The following ELOVL2 variants were observed in gnomAD, a reference collection of about 807,000 sequenced individuals.
ELOVL2 encodes very long chain fatty acid elongase 2.
ELOVL2 carries 38 observed loss-of-function variants against 37.7 expected under a neutral mutation model. The observed-to-expected ratio is 1.01, with a 90% CI of 0.78 to 1.32. ELOVL2 has a LOEUF of 1.32. ELOVL2 is among the 40% of genes most tolerant of loss of function. The pLI, the probability that ELOVL2 is intolerant of heterozygous loss-of-function variation, is 0.00. For missense variants in ELOVL2, 352 were observed against 363.6 expected (o/e 0.97, Z 0.26); for synonymous variants, 115 against 122.3 (o/e 0.94, Z 0.40).
At chr6:11,011,732 T>C (rs989870554) in intron 1 of ELOVL2, among the ~76,000 whole-genome samples, 3 of 152,184 alleles carry the variant, frequency 2.0e-5, no homozygotes, top group South Asian at 2.1e-4. Flanking sequence ...CGATTAATTA[T>C]TGTCACTTTC....
At chr6:11,008,727 A>C (rs1782522127) in intron 2 of ELOVL2, among the ~76,000 whole-genome samples, 1 of 152,258 alleles carries the variant, frequency 6.6e-6, no homozygotes, top group Non-Finnish European at 1.5e-5. Context: ...TGCCTACCCC[A>C]CAGAGTCATC....
chr6:11,039,527 T>A (rs1403593049), intron 1 of ELOVL2, among the ~76,000 whole-genome samples: 3 of 152,224 alleles, frequency 2.0e-5, no homozygotes, highest in Admixed American at 1.3e-4. Flanking sequence ...ATGATCAAGT[T>A]AGGGTAACTG....
Position 11,041,663 on chromosome 6 carries a change from C to G in ELOVL2, c.3+2565G>C, listed in dbSNP as rs192276073. Among the ~76,000 whole-genome samples, 511 of 152,218 alleles carry G rather than the reference C, an allele frequency of 3.4e-3. 3 individuals are homozygous for G. Among genetic ancestry groups the G allele is most frequent in the African/African-American group, 0.012 (492 of 41,542 alleles). ...TTTTACCTTTAATTTCTACTACCTA[C>G]CTGGGAAAGATGGTAACCACAGAAC... On this transcript the variant is annotated intron_variant, in intron 1 of 7. Transcript: ENST00000354666.
At chr6:10,987,285 C>T (rs200230849) in intron 7 of ELOVL2, among the ~76,000 whole-genome samples, 44,675 of 151,852 alleles carry the variant, frequency 0.29, 7,416 homozygotes, top group African/African-American at 0.45. Context: ...TTTGTTGATC[C>T]TTTCAAAAAA....
chr6:11,030,206 T>C (rs1782900756), intron 1 of ELOVL2, among the ~76,000 whole-genome samples: 1 of 152,108 alleles, frequency 6.6e-6, no homozygotes, highest in Non-Finnish European at 1.5e-5. Context: ...ACTGCATGGA[T>C]GTGGAGTCTG....
chr6:11,005,299 G>A (rs1281867137), intron 3 of ELOVL2, 73 bp downstream of exon 3: 1 of 1,340,876 alleles, frequency 7.5e-7, no homozygotes, highest in African/African-American at 1.5e-5. Flanking sequence ...GTTCTGCCAG[G>A]CTAGATGTGG....
intron 5 of ELOVL2, among the ~76,000 whole-genome samples, chr6:10,990,736 A>G (rs775871631): frequency 6.6e-6 from 1 of 151,704 alleles, no homozygotes; most frequent in African/African-American, 2.4e-5. Context: ...CGTCACTACT[A>G]TCAGCTACTG....
chr6:11,011,804 A>AC (rs1782587469), intron 1 of ELOVL2, among the ~76,000 whole-genome samples: 1 of 152,046 alleles, frequency 6.6e-6, no homozygotes, highest in Non-Finnish European at 1.5e-5. Context: ...TGCTCAAAAT[A>AC]CCCGTTCAGG....
rs1009379975 is a variant in ELOVL2, at chr6:11,008,822, T to C, written c.67+1924A>G. Among the ~76,000 whole-genome samples the C allele has an allele frequency of 3.3e-5, 5 of 152,328 alleles. No homozygotes were observed. The South Asian group carries it at 1.0e-3, about 32-fold the overall frequency. On this transcript the variant is annotated intron_variant, in intron 2 of 7. Coordinates refer to ENST00000354666, the MANE Select transcript of ELOVL2 (RefSeq NM_017770.4). ...AGAATCAGTATCATTATATTAAAAC[T>C]ATATAGTCATGCATTTAGAACAGTT...
At chr6:11,022,609 A>G (rs1782781764) in intron 1 of ELOVL2, among the ~76,000 whole-genome samples, 1 of 152,230 alleles carries the variant, frequency 6.6e-6, no homozygotes, top group South Asian at 2.1e-4. Flanking sequence ...AAAAATTTTG[A>G]GTTTGCCACT....
chr6:11,039,241 A>G (rs1783062088), intron 1 of ELOVL2, among the ~76,000 whole-genome samples: 1 of 152,250 alleles, frequency 6.6e-6, no homozygotes, highest in South Asian at 2.1e-4. Flanking sequence ...GAATGGAGCT[A>G]GTAAACAATA....
intron 2 of ELOVL2, among the ~76,000 whole-genome samples, chr6:11,009,369 G>A (rs1047560457): frequency 1.3e-5 from 2 of 152,264 alleles, no homozygotes; most frequent in Non-Finnish European, 2.9e-5. Flanking sequence ...TATAATAAAA[G>A]TTATGTGAAT....
At chr6:11,013,119 C>T (rs1053835143) in intron 1 of ELOVL2, among the ~76,000 whole-genome samples, 7 of 152,150 alleles carry the variant, frequency 4.6e-5, no homozygotes, top group Non-Finnish European at 8.8e-5. Context: ...GCATGACTCC[C>T]TTGGGAAATG....
At chr6:11,011,616 A>G (rs1782585086) in intron 1 of ELOVL2, among the ~76,000 whole-genome samples, 1 of 152,224 alleles carries the variant, frequency 6.6e-6, no homozygotes, top group Admixed American at 6.5e-5. Flanking sequence ...TCAAGTAAGG[A>G]GCATTACAGC....
At chr6:11,022,093 G>C (rs530828548) in intron 1 of ELOVL2, among the ~76,000 whole-genome samples, 2 of 152,190 alleles carry the variant, frequency 1.3e-5, no homozygotes, top group Non-Finnish European at 2.9e-5. Context: ...AAAAAGAATA[G>C]GATGTACTCA....
At position 11,000,141 on chromosome 6, in the gene ELOVL2, T is replaced by TGGAGAGAATGA. The variant is rs1471219179; in HGVS notation, c.278_279insTCATTCTCTCC (p.Gly94HisfsTer23). On this transcript the variant is annotated frameshift_variant, in exon 4 of 8. Coordinates refer to ENST00000354666, the MANE Select transcript of ELOVL2 (RefSeq NM_017770.4). LOFTEE classifies it high-confidence loss of function. ...GATCTTGACACTGTAAGTTGTAGCC[T>TGGAGAGAATGA]CCTTCCCAAGTGGAGAGAATGAGCT... The TGGAGAGAATGA allele has an allele frequency of 2.5e-6, 4 of 1,614,158 alleles. No individual in the cohort carries two copies. The South Asian group carries it at 4.4e-5, about 18-fold the overall frequency.
rs879025257 is a variant in ELOVL2, at chr6:10,990,539, T to C, written c.506-97A>G. ...TCTCTCTCTGCATGGTAATTGAAAA[T>C]GAGTAGCACATATGACATGATCATA... On this transcript the variant is annotated intron_variant, in intron 5 of 7. Coordinates refer to ENST00000354666, the MANE Select transcript of ELOVL2 (RefSeq NM_017770.4). 7.1e-5 allele frequency: 84 copies of C among 1,180,390 alleles called. No individual in the cohort carries two copies. The South Asian group carries it at 1.5e-3, about 21-fold the overall frequency. 73.1% of individuals were successfully genotyped at this position (1,180,390 alleles called of 1,614,324 possible).
chr6:10,986,383 G>A (rs1345388222), intron 7 of ELOVL2, among the ~76,000 whole-genome samples: 1 of 152,148 alleles, frequency 6.6e-6, no homozygotes, highest in Non-Finnish European at 1.5e-5. Flanking sequence ...TTCCAACACT[G>A]TGTTGAATAA....
chr6:10,983,815 G>C lies in ELOVL2; in HGVS notation c.857C>G (p.Ala286Gly). The C allele has an allele frequency of 6.2e-7, 1 of 1,612,722 alleles. No homozygotes were observed. The highest frequency in any genetic ancestry group is 8.5e-7 in the Non-Finnish European group (1 of 1,179,632). Residue 286 changes from alanine to glycine, a missense_variant, in exon 8 of 8, where the codon GCA (alanine) becomes GGA (glycine). By Grantham distance (60) the Ala-to-Gly change is moderately conservative. Transcript: ENST00000354666. ...TTTCTTGTTCATCACTCCATTTGCT[G>C]CAGTGAAGTAGGCTTTGGAAAAACC... ...KNGFSKAYFT[A>G]ANGVMNKKAQ
Sources: allele counts gnomAD v4.1 joint callset (sites outside exome capture counted in the v4.1 genomes callset), GRCh38; gene constraint gnomAD v4.1.1; transcripts MANE v1.5; gene names NCBI Gene and HGNC (gene_info 2026-07-23, HGNC 2026-07-21).